The following RB1 variants were observed in gnomAD, a reference collection of about 807,000 sequenced individuals.
RB1 encodes retinoblastoma-associated protein.
Under a neutral mutation model 135.4 loss-of-function variants are expected in RB1, and 18 were observed. The ratio of observed to expected loss-of-function variants is 0.13; its 90% CI spans 0.09 to 0.20. The LOEUF is 0.20. Ranked by LOEUF, RB1 falls within the 10% of genes least tolerant of loss-of-function variation. The pLI is 1.00. For missense variants in RB1, 868 were observed against 1,110.0 expected, an observed-to-expected ratio of 0.78 and a Z score of 3.10; for synonymous variants, 365 against 373.2, an observed-to-expected ratio of 0.98 and a Z score of 0.25.
chr13:48,394,872 T>C (rs983246284), intron 17 of RB1, among the ~76,000 whole-genome samples: 59 of 152,316 alleles, frequency 3.9e-4, no homozygotes, highest in African/African-American at 1.4e-3. Context: ...GCAGCAGATC[T>C]CCCAGCACAG....
chr13:48,433,652 TTTTA>T (rs1262775462), intron 17 of RB1, among the ~76,000 whole-genome samples: 2 of 149,088 alleles, frequency 1.3e-5, no homozygotes, highest in African/African-American at 2.4e-5. Flanking sequence ...TGTTCCACTG[TTTTA>T]TTTGTTTTAC....
intron 17 of RB1, among the ~76,000 whole-genome samples, chr13:48,397,558 G>A (rs1002824271): frequency 2.6e-5 from 4 of 152,120 alleles, no homozygotes; most frequent in African/African-American, 7.2e-5. Flanking sequence ...TGGGTTGATA[G>A]GTGCAGCAAA....
At chr13:48,474,239 C>T (rs1039753421) in intron 24 of RB1, among the ~76,000 whole-genome samples, 10 of 152,068 alleles carry the variant, frequency 6.6e-5, no homozygotes, top group Non-Finnish European at 5.9e-5. Flanking sequence ...CAACCCCCTC[C>T]CCTCCCTGGA....
Position 48,342,907 on chromosome 13 carries a change from G to T in RB1, c.380+193G>T, listed in dbSNP as rs77400127. ...GTGTATTTATGCTGTATTTCTTTAA[G>T]AGGTAGCAGTTTGTGTCCTGGAAAA... is the stretch of plus-strand genomic sequence containing the variant. On this transcript the variant is annotated intron_variant, in intron 3 of 26. Coordinates refer to ENST00000267163, the MANE Select transcript of RB1 (RefSeq NM_000321.3). Among the ~76,000 whole-genome samples, 1,914 of 152,180 alleles carry T rather than the reference G, an allele frequency of 0.013. 43 individuals are homozygous for T. Among genetic ancestry groups the T allele is most frequent in the African/African-American group, 0.044 (1,833 of 41,562 alleles).
intron 23 of RB1, among the ~76,000 whole-genome samples, chr13:48,466,205 A>T (rs1254597736): frequency 1.1e-5 from 1 of 89,852 alleles, no homozygotes; most frequent in Non-Finnish European, 2.5e-5. Context: ...ACGCAGCTGG[A>T]GATCTGAGAA....
chr13:48,445,378 T>G (rs1013881497), intron 17 of RB1, among the ~76,000 whole-genome samples: 3 of 152,198 alleles, frequency 2.0e-5, no homozygotes, highest in Admixed American at 6.5e-5. Flanking sequence ...TCTTAGAATA[T>G]TTAAACGTTT....
chr13:48,412,265 TGTA>T, intron 17 of RB1: 1 of 1,614,086 alleles, frequency 6.2e-7, no homozygotes, highest in Middle Eastern at 1.6e-4. Context: ...TCATGTAAGT[TGTA>T]GTTTCATTTC....
Position 48,411,617 on chromosome 13 carries a change from T to C in RB1, c.1695+30174T>C, listed in dbSNP as rs1308279379. The C allele has an allele frequency of 3.1e-6, 5 of 1,612,238 alleles. No individual in the cohort carries two copies. In the East Asian group the frequency reaches 1.1e-4, roughly 36 times the overall value. Reference sequence around the variant, plus strand: ...AGAGAGTGATTGGGTACATTGTCCTTACTGCTGCCACTACTGAGCAATTAA... The same window carrying C: ...AGAGAGTGATTGGGTACATTGTCCTCACTGCTGCCACTACTGAGCAATTAA... On this transcript the variant is annotated intron_variant, in intron 17 of 26. Transcript: ENST00000267163.
chr13:48,370,654 C>T (rs1160294135), intron 11 of RB1, among the ~76,000 whole-genome samples: 1 of 152,214 alleles, frequency 6.6e-6, no homozygotes, highest in Non-Finnish European at 1.5e-5. Flanking sequence ...TCTATGCCCT[C>T]CCTGGCCAGA....
chr13:48,398,815 C>G (rs1948667725), intron 17 of RB1, among the ~76,000 whole-genome samples: 1 of 152,006 alleles, frequency 6.6e-6, no homozygotes, highest in African/African-American at 2.4e-5. Flanking sequence ...TAATTTTATT[C>G]TAAGTGAAAG....
At position 48,481,833 on chromosome 13, in the gene RB1, A is replaced by G. The variant is rs1949540050; in HGVS notation, c.*1762A>G. On this transcript the variant is annotated 3_prime_UTR_variant, in exon 27 of 27. Transcript: ENST00000267163. ...GTACATTTAAAATTGCTATGTTACT[A>G]TTTTCTACAATTAATAGTTTGTCTA... 4.5e-6 allele frequency: 1 copy of G among 221,436 alleles called. No homozygotes were observed. Among genetic ancestry groups the G allele is most frequent in the Non-Finnish European group, 9.0e-6 (1 of 110,828 alleles). 13.7% of individuals were successfully genotyped at this position (221,436 alleles called of 1,614,324 possible).
intron 2 of RB1, among the ~76,000 whole-genome samples, chr13:48,326,354 TG>T (rs1952287315): frequency 2.0e-5 from 3 of 152,138 alleles, no homozygotes; most frequent in Admixed American, 1.3e-4. Context: ...TTTTTGGTCT[TG>T]TTTTTTGTTT....
intron 12 of RB1, among the ~76,000 whole-genome samples, chr13:48,374,755 A>C (rs1036889165): frequency 6.6e-6 from 1 of 152,150 alleles, no homozygotes; most frequent in Non-Finnish European, 1.5e-5. Context: ...AGTATGTAGG[A>C]GTTCTTTTTT....
chr13:48,343,165 A>T (rs1952462384), intron 3 of RB1, among the ~76,000 whole-genome samples: 1 of 152,142 alleles, frequency 6.6e-6, no homozygotes, highest in African/African-American at 2.4e-5. Flanking sequence ...ATTGATTTGA[A>T]CATGCTACAA....
At chr13:48,453,663 G>C (rs979151385) in intron 18 of RB1, among the ~76,000 whole-genome samples, 1 of 152,170 alleles carries the variant, frequency 6.6e-6, no homozygotes, top group Non-Finnish European at 1.5e-5. Flanking sequence ...TTAAGGACGT[G>C]CCCAGGAGAG....
rs531819305 is a variant in RB1 at position 48,481,221 on chromosome 13, C to A, written c.*1150C>A. 1.1e-4 allele frequency: 26 copies of A among 231,574 alleles called. No individual in the cohort carries two copies. Among genetic ancestry groups the A allele is most frequent in the Non-Finnish European group, 2.2e-4 (26 of 116,834 alleles). 14.3% of individuals were successfully genotyped at this position (231,574 alleles called of 1,614,324 possible). On this transcript the variant is annotated 3_prime_UTR_variant, in exon 27 of 27. Coordinates refer to ENST00000267163, the MANE Select transcript of RB1 (RefSeq NM_000321.3). ...TGGTCTAACACTGGCATGTTCAAAG[C>A]CACATTATTTCTAGTCCAAAATTAC...
chr13:48,463,103 ATC>A (rs1949415844), intron 20 of RB1, among the ~76,000 whole-genome samples: 1 of 152,234 alleles, frequency 6.6e-6, no homozygotes, highest in Non-Finnish European at 1.5e-5. Flanking sequence ...AATAAAGAAA[ATC>A]TGACATTTTA....
intron 17 of RB1, chr13:48,406,814 G>C (rs1948744157): frequency 6.6e-6 from 1 of 152,288 alleles, no homozygotes; most frequent in South Asian, 2.1e-4. Flanking sequence ...AGCTGCTTGA[G>C]AGGCTGAGGT....
chr13:48,343,318 A>C (rs540933948), intron 3 of RB1, among the ~76,000 whole-genome samples: 2 of 152,278 alleles, frequency 1.3e-5, no homozygotes, highest in South Asian at 4.1e-4. Context: ...TCTTTGCAAC[A>C]TATTTACAAA....
Sources: gnomAD v4.1 joint callset for allele counts (sites outside exome capture counted in the v4.1 genomes callset) on GRCh38, gnomAD v4.1.1 for gene constraint, MANE v1.5 for transcripts, NCBI Gene and HGNC (gene_info 2026-07-23, HGNC 2026-07-21) for gene names.